The following PPARGC1A variants were observed in gnomAD, a reference collection of about 807,000 sequenced individuals.
The protein encoded by PPARGC1A is peroxisome proliferator-activated receptor gamma coactivator 1-alpha.
PPARGC1A carries 25 observed loss-of-function variants against 88.7 expected under a neutral mutation model. That is an observed-to-expected ratio of 0.28 (90% CI 0.21 to 0.39). PPARGC1A has a LOEUF of 0.39. Among genes scored for constraint, PPARGC1A ranks in the 10% least tolerant of loss-of-function variants. The pLI is 1.00. For missense variants in PPARGC1A, 880 were observed against 968.7 expected (o/e 0.91, Z 1.22); for synonymous variants, 363 against 355.6 (o/e 1.02, Z -0.24).
the PPARGC1A span, among the ~76,000 whole-genome samples, chr4:24,095,499 G>A: frequency 6.6e-6 from 1 of 152,094 alleles, no homozygotes; most frequent in Non-Finnish European, 1.5e-5. Flanking sequence ...TATGATTGAT[G>A]TCCTTATAAA....
At chr4:24,184,576 T>A in the PPARGC1A span, among the ~76,000 whole-genome samples, 5 of 152,178 alleles carry the variant, frequency 3.3e-5, no homozygotes, top group African/African-American at 1.2e-4. Context: ...AGGTATTCAA[T>A]AAATATTAGC....
chr4:23,955,234 C>T, the PPARGC1A span, among the ~76,000 whole-genome samples: 2 of 152,000 alleles, frequency 1.3e-5, no homozygotes, highest in East Asian at 1.9e-4. Flanking sequence ...GTGTTCAAAA[C>T]ATCTAATGCT....
the PPARGC1A span, among the ~76,000 whole-genome samples, chr4:24,173,914 A>G: frequency 6.6e-6 from 1 of 152,236 alleles, no homozygotes; most frequent in African/African-American, 2.4e-5. Context: ...TTGATACTGA[A>G]GTGGACTTTG....
At chr4:24,404,605 AG>A in the PPARGC1A span, among the ~76,000 whole-genome samples, 5 of 152,142 alleles carry the variant, frequency 3.3e-5, no homozygotes, top group Non-Finnish European at 7.3e-5. Context: ...CTCTCAGCAG[AG>A]GGGGCAACTC....
chr4:23,864,368 C>T (rs1294627687), intron 2 of PPARGC1A, among the ~76,000 whole-genome samples: 1 of 152,220 alleles, frequency 6.6e-6, no homozygotes, highest in East Asian at 1.9e-4. Flanking sequence ...AGCCCATATA[C>T]TTGGTCTGTA....
chr4:24,035,278 G>A, the PPARGC1A span, among the ~76,000 whole-genome samples: 1 of 152,052 alleles, frequency 6.6e-6, no homozygotes, highest in Non-Finnish European at 1.5e-5. Context: ...GGTGGCACAC[G>A]TCTGTAATCC....
the PPARGC1A span, among the ~76,000 whole-genome samples, chr4:24,466,104 A>G: frequency 6.6e-6 from 1 of 152,172 alleles, no homozygotes; most frequent in Non-Finnish European, 1.5e-5. Flanking sequence ...GGCCCTGTCT[A>G]TCTCTCAGGC....
the PPARGC1A span, among the ~76,000 whole-genome samples, chr4:24,414,008 C>T: frequency 2.6e-5 from 4 of 152,158 alleles, no homozygotes; most frequent in Non-Finnish European, 4.4e-5. Flanking sequence ...AAGTGAGACT[C>T]GAACCCACGG....
chr4:24,206,187 G>C, the PPARGC1A span, among the ~76,000 whole-genome samples: 1 of 152,172 alleles, frequency 6.6e-6, no homozygotes, highest in African/African-American at 2.4e-5. Flanking sequence ...AAGCCATTTT[G>C]CTTAGTGAAG....
the PPARGC1A span, among the ~76,000 whole-genome samples, chr4:24,096,102 G>C: frequency 1.3e-5 from 2 of 152,170 alleles, no homozygotes; most frequent in Non-Finnish European, 2.9e-5. Flanking sequence ...CTGTTCTCAG[G>C]TTAGTGGGTT....
chr4:23,939,311 T>C, the PPARGC1A span, among the ~76,000 whole-genome samples: 1 of 152,170 alleles, frequency 6.6e-6, no homozygotes, highest in Admixed American at 6.5e-5. Context: ...TTTGTTTGTT[T>C]TGAAATACCA....
the PPARGC1A span, among the ~76,000 whole-genome samples, chr4:24,313,216 T>C: frequency 6.4e-4 from 98 of 152,272 alleles, 2 homozygotes; most frequent in South Asian, 0.019. Flanking sequence ...GATAAGGAGA[T>C]TGCAGGGAAA....
At chr4:24,090,645 C>T in the PPARGC1A span, among the ~76,000 whole-genome samples, 1 of 152,052 alleles carries the variant, frequency 6.6e-6, no homozygotes, top group Non-Finnish European at 1.5e-5. Context: ...TTTCCATACG[C>T]CAGCAGCATT....
chr4:23,959,370 C>G, the PPARGC1A span, among the ~76,000 whole-genome samples: 29 of 152,222 alleles, frequency 1.9e-4, no homozygotes, highest in Non-Finnish European at 1.5e-5. Flanking sequence ...ATGTGCCCCT[C>G]TTGCATATTT....
the PPARGC1A span, among the ~76,000 whole-genome samples, chr4:24,002,799 TG>T: frequency 6.6e-6 from 1 of 152,010 alleles, no homozygotes; most frequent in Non-Finnish European, 1.5e-5. Context: ...TTCAGCTACT[TG>T]GCATGCCACG....
chr4:24,028,150 C>T, the PPARGC1A span, among the ~76,000 whole-genome samples: 1 of 152,110 alleles, frequency 6.6e-6, no homozygotes, highest in South Asian at 2.1e-4. Context: ...CTACTGGATC[C>T]CCAAGGAAAC....
the PPARGC1A span, among the ~76,000 whole-genome samples, chr4:24,035,064 A>G: frequency 6.6e-6 from 1 of 152,130 alleles, no homozygotes; most frequent in Admixed American, 6.5e-5. Flanking sequence ...CTAGGACTGG[A>G]TTTTGCTCAT....
At chr4:24,387,130 A>G in the PPARGC1A span, among the ~76,000 whole-genome samples, 1 of 152,242 alleles carries the variant, frequency 6.6e-6, no homozygotes, top group South Asian at 2.1e-4. Context: ...GACAAAAACA[A>G]GCAACGGGGA....
At chr4:23,983,947 C>T in the PPARGC1A span, among the ~76,000 whole-genome samples, 207 of 151,558 alleles carry the variant, frequency 1.4e-3, 2 homozygotes, top group African/African-American at 4.9e-3. Flanking sequence ...ACACAGTATT[C>T]TCCTACCATT....
Sources: gnomAD v4.1 joint callset for allele counts (sites outside exome capture counted in the v4.1 genomes callset) on GRCh38, gnomAD v4.1.1 for gene constraint, MANE v1.5 for transcripts, NCBI Gene and HGNC (gene_info 2026-07-23, HGNC 2026-07-21) for gene names.